Variants in TADA2B observed in about 807,000 individuals in gnomAD.
The protein encoded by TADA2B is transcriptional adapter 2-beta.
In TADA2B, 13 loss-of-function variants were observed where a neutral mutation model predicts 34.5. That is an observed-to-expected ratio of 0.38 (90% CI 0.25 to 0.60). TADA2B has a LOEUF of 0.60. TADA2B is among the 20% of genes least tolerant of loss of function. The probability of loss-of-function intolerance (pLI) is 0.65; values close to 1 mark genes in which losing one functional copy is unlikely to be tolerated. For synonymous variants in TADA2B, 240 were observed against 243.4 expected (o/e 0.99, Z 0.13); for missense variants, 442 against 575.0 (o/e 0.77, Z 2.37).
Position 7,055,506 on chromosome 4 carries a change from A to ACAGCTGACCC in TADA2B, c.*457_*466dup, listed in dbSNP as rs1271596862. ...CCCGTTTTCTGAGCCCACGCTGCCC[A>ACAGCTGACCC]CAGCTGACCCCAGCGCAGCCCCGGG... On this transcript the variant is annotated 3_prime_UTR_variant, in exon 2 of 2. Coordinates refer to ENST00000310074, the MANE Select transcript of TADA2B (RefSeq NM_152293.3). The ACAGCTGACCC allele has an allele frequency of 6.1e-6, 1 of 163,068 alleles. No individual in the cohort carries two copies. Among genetic ancestry groups the ACAGCTGACCC allele is most frequent in the Non-Finnish European group, 1.3e-5 (1 of 74,772 alleles). The allele number at this position is 163,068 out of a possible 1,614,324, so 10.1% of individuals were successfully genotyped here.
At chr4:7,051,747 G>C (rs1369932355) in intron 1 of TADA2B, among the ~76,000 whole-genome samples, 2 of 152,036 alleles carry the variant, frequency 1.3e-5, no homozygotes, top group Non-Finnish European at 2.9e-5. Flanking sequence ...ACAGGCGCCC[G>C]CCACCACGCC....
chr4:7,052,981 G>A (rs2108786133), intron 1 of TADA2B: 1 of 152,354 alleles, frequency 6.6e-6, no homozygotes, highest in African/African-American at 2.4e-5. Context: ...TCCGTTCCTG[G>A]AGCCCAGAAC....
intron 1 of TADA2B, among the ~76,000 whole-genome samples, chr4:7,044,261 C>T (rs1293920613): frequency 6.6e-6 from 1 of 152,092 alleles, no homozygotes; most frequent in Non-Finnish European, 1.5e-5. Context: ...GAGCGGTGGG[C>T]GCCCTGCGGC....
rs557910360 is a variant in TADA2B, at chr4:7,054,753, A to G, written c.962A>G (p.Asn321Ser). ...ARHKREKRKE[N>S]KNLAGSKRGK... The stretch of plus-strand genomic sequence containing the variant: ...CATAAACGGGAGAAGAGGAAGGAGA[A>G]CAAAAACCTAGCCGGCTCCAAACGG... The change falls in exon 2 of 2, where the codon AAC becomes AGC. Residue 321 changes from asparagine (N) to serine (S), a missense_variant. This residue lies in a region of TADA2B where 114 missense variants were observed against 144.7 expected (regional missense o/e 0.79). Transcript: ENST00000310074. 6.2e-7 allele frequency: 1 copy of G among 1,613,976 alleles called. No individual in the cohort carries two copies. The highest frequency in any genetic ancestry group is 2.2e-5 in the East Asian group (1 of 44,880).
intron 1 of TADA2B, 83 bp downstream of exon 1, chr4:7,043,932 C>G: frequency 7.3e-7 from 1 of 1,370,206 alleles, no homozygotes. Context: ...GCAGGCAGCG[C>G]TGGACCTGCT....
At chr4:7,047,540 T>C (rs1316745050) in intron 1 of TADA2B, among the ~76,000 whole-genome samples, 2 of 152,234 alleles carry the variant, frequency 1.3e-5, no homozygotes, top group Admixed American at 1.3e-4. Context: ...GTGCGTGCAT[T>C]CATTCTCTCG....
intron 1 of TADA2B, chr4:7,053,792 T>C: frequency 2.4e-6 from 1 of 408,274 alleles, no homozygotes; most frequent in Non-Finnish European, 4.4e-6. Context: ...TGCCACCAGC[T>C]CACCCCAAGA....
Position 7,055,141 on chromosome 4 carries a change from T to C in TADA2B, c.*87T>C. On this transcript the variant is annotated 3_prime_UTR_variant, in exon 2 of 2. Coordinates refer to ENST00000310074, the MANE Select transcript of TADA2B (RefSeq NM_152293.3). ...GGGAGGGGAGCCGCTTCCCCACTGT[T>C]GCTCTTTTTTAAACAAATTGAGTTC... The C allele has an allele frequency of 7.4e-7, 1 of 1,359,302 alleles. No homozygotes were observed. Among genetic ancestry groups the C allele is most frequent in the Non-Finnish European group, 9.9e-7 (1 of 1,012,264 alleles). 84.2% of individuals were successfully genotyped at this position (1,359,302 alleles called of 1,614,324 possible). A position where few individuals can be genotyped will look rare whatever the true frequency, so the allele number is the denominator to read the frequency against.
intron 1 of TADA2B, among the ~76,000 whole-genome samples, chr4:7,052,546 C>T (rs1439081418): frequency 6.6e-6 from 1 of 152,202 alleles, no homozygotes; most frequent in Non-Finnish European, 1.5e-5. Flanking sequence ...GCCCTGAAGG[C>T]TTTTCTTACC....
rs934802905 is a variant in TADA2B, at chr4:7,056,038, A to G, written c.*984A>G. On this transcript the variant is annotated 3_prime_UTR_variant, in exon 2 of 2. Coordinates refer to ENST00000310074, the MANE Select transcript of TADA2B (RefSeq NM_152293.3). ...CAGTTGCAAGTACCTTTCCACTGAA[A>G]ATATGAGCATGCCCGCCTGGCTAGT... is the stretch of plus-strand genomic sequence containing the variant. The G allele has an allele frequency of 1.3e-5, 2 of 152,408 alleles. No individual in the cohort carries two copies. Among genetic ancestry groups the G allele is most frequent in the African/African-American group, 4.8e-5 (2 of 41,460 alleles). The allele number at this position is 152,408 out of a possible 1,614,324, so 9.4% of individuals were successfully genotyped here.
At position 7,054,578 on chromosome 4, in the gene TADA2B, T is replaced by C; in HGVS notation, c.787T>C (p.Tyr263His). ...GCTGCGCCTGAAGCTGAGGCCGCTGTACCAGTTCATGTCATGCAAGGAGTT... is the reference window on the plus strand; with the variant it reads ...GCTGCGCCTGAAGCTGAGGCCGCTGCACCAGTTCATGTCATGCAAGGAGTT... ...KELRLKLRPL[Y>H]QFMSCKEFDD... The change falls in exon 2 of 2, where the codon TAC (tyrosine) becomes CAC (histidine). Residue 263 changes from tyrosine to histidine, a missense_variant. Physicochemically the swap from Tyr to His is moderately conservative, Grantham distance 83. Transcript: ENST00000310074. 1 of 1,613,840 alleles carries C rather than the reference T, an allele frequency of 6.2e-7. No homozygotes were observed. Among genetic ancestry groups the C allele is most frequent in the Non-Finnish European group, 8.5e-7 (1 of 1,179,896 alleles).
At chr4:7,047,537 C>G (rs1196279148) in intron 1 of TADA2B, among the ~76,000 whole-genome samples, 1 of 152,214 alleles carries the variant, frequency 6.6e-6, no homozygotes, top group African/African-American at 2.4e-5. Context: ...CTTGTGCGTG[C>G]ATTCATTCTC....
intron 1 of TADA2B, among the ~76,000 whole-genome samples, chr4:7,044,394 C>T (rs1460888841): frequency 6.6e-6 from 1 of 152,202 alleles, no homozygotes; most frequent in Non-Finnish European, 1.5e-5. Context: ...TGGGTCCCCA[C>T]AACCCACGAC....
At position 7,055,198 on chromosome 4, in the gene TADA2B, C is replaced by T; in HGVS notation, c.*144C>T. ...TTAAGATAGAAATTCTTTTCATGGT[C>T]CTCTGAAAGAAGCAATAGTAACAAT... On this transcript the variant is annotated 3_prime_UTR_variant, in exon 2 of 2. Transcript: ENST00000310074. 3 of 842,394 alleles carry T rather than the reference C, an allele frequency of 3.6e-6. No homozygotes were observed. In the South Asian group the frequency reaches 5.8e-5, roughly 16 times the overall value. The allele number at this position is 842,394 out of a possible 1,614,324, so 52.2% of individuals were successfully genotyped here.
rs181388217 is a variant in TADA2B, at chr4:7,054,923, A to G, written c.1132A>G (p.Lys378Glu). The G allele has an allele frequency of 6.2e-7, 1 of 1,613,936 alleles. No homozygotes were observed. Among genetic ancestry groups the G allele is most frequent in the Admixed American group, 1.7e-5 (1 of 60,016 alleles). ...RYVTVKTIII[K>E]DHLQKRQGIP... The stretch of plus-strand genomic sequence containing the variant: ...CGTGACTGTGAAGACTATTATAATT[A>G]AAGACCACCTCCAGAAGCGGCAAGG... The change falls in exon 2 of 2, where the codon AAA becomes GAA. Residue 378 changes from lysine (K) to glutamate (E), a missense_variant. Transcript: ENST00000310074.
rs891078207 is a variant in TADA2B, at chr4:7,055,254, G to T, written c.*200G>T. ...ATTGGATCATGGGGGAAGCAAATGT[G>T]TGTATTTTAAGTGAGTTCCTGCGAG... On this transcript the variant is annotated 3_prime_UTR_variant, in exon 2 of 2. Transcript: ENST00000310074. 3.8e-5 allele frequency: 23 copies of T among 601,080 alleles called. No homozygotes were observed. Among genetic ancestry groups the T allele is most frequent in the Admixed American group, 2.9e-4 (9 of 31,120 alleles). The allele number at this position is 601,080 out of a possible 1,614,324, so 37.2% of individuals were successfully genotyped here.
At chr4:7,046,226 T>A (rs1430175805) in intron 1 of TADA2B, 1 of 152,220 alleles carries the variant, frequency 6.6e-6, no homozygotes, top group African/African-American at 2.4e-5. Flanking sequence ...AGAACCTCGT[T>A]GCGTTATCCC....
chr4:7,052,415 T>C (rs762487626), intron 1 of TADA2B, among the ~76,000 whole-genome samples: 1 of 152,234 alleles, frequency 6.6e-6, no homozygotes, highest in Non-Finnish European at 1.5e-5. Context: ...TCAGAGGCCA[T>C]TGCGGTTCCT....
intron 1 of TADA2B, among the ~76,000 whole-genome samples, chr4:7,048,863 C>G (rs1020600637): frequency 6.6e-6 from 1 of 152,176 alleles, no homozygotes; most frequent in Non-Finnish European, 1.5e-5. Flanking sequence ...TGCCTCATGT[C>G]GTCAGGGATC....
Sources: gnomAD v4.1 joint callset for allele counts (sites outside exome capture counted in the v4.1 genomes callset) on GRCh38, gnomAD v4.1.1 for gene constraint, gnomAD v4.1.1 regional missense constraint, MANE v1.5 for transcripts, NCBI Gene and HGNC (gene_info 2026-07-23, HGNC 2026-07-21) for gene names.